CTNNA3: variants seen among roughly 807,000 people sequenced by gnomAD.
CTNNA3 encodes the protein catenin alpha 3.
A neutral mutation model predicts 95.7 loss-of-function variants in CTNNA3; 76 were observed. The observed-to-expected ratio is 0.79, with a 90% confidence interval of 0.66 to 0.96. The LOEUF is 0.96. Ranked by LOEUF, CTNNA3 falls within the 40% of genes least tolerant of loss-of-function variation. The probability of loss-of-function intolerance (pLI) is 0.00; values close to 1 mark genes in which losing one functional copy is unlikely to be tolerated. For synonymous variants in CTNNA3, 431 were observed against 374.4 expected (o/e 1.15, Z -1.74); for missense variants, 1,191 against 1,089.8 (o/e 1.09, Z -1.31).
chr10:66,889,589 T>C (rs1331494022), intron 7 of CTNNA3, among the ~76,000 whole-genome samples: 1 of 152,112 alleles, frequency 6.6e-6, no homozygotes, highest in Non-Finnish European at 1.5e-5. Flanking sequence ...AAGTGGATTG[T>C]ATGTGTAGGG....
At chr10:66,659,075 A>C (rs1288659969) in intron 9 of CTNNA3, among the ~76,000 whole-genome samples, 1 of 152,108 alleles carries the variant, frequency 6.6e-6, no homozygotes, top group Non-Finnish European at 1.5e-5. Context: ...TGCTTATGAT[A>C]TACCTGAAAC....
rs369655258 is a variant in CTNNA3, at chr10:67,364,385, G to A, written c.580-144515C>T. On this transcript the variant is annotated intron_variant, in intron 5 of 17. Transcript: ENST00000433211. ...AATATCATACTGAATGGCAAAAACT[G>A]GAAGCATTCCCTTTGAAAATTGGCA... 2.2e-4 allele frequency among the ~76,000 whole-genome samples: 33 copies of A among 152,168 alleles called. No individual in the cohort carries two copies. The East Asian group carries it at 6.0e-3, about 28-fold the overall frequency.
At chr10:66,140,275 G>A (rs2083548448) in intron 13 of CTNNA3, among the ~76,000 whole-genome samples, 1 of 152,154 alleles carries the variant, frequency 6.6e-6, no homozygotes, top group Non-Finnish European at 1.5e-5. Context: ...CCTTCAAGGA[G>A]ATTAATTAAT....
intron 15 of CTNNA3, 64 bp downstream of exon 15, chr10:66,069,244 T>C (rs2080377429): frequency 6.6e-7 from 1 of 1,507,258 alleles, no homozygotes; most frequent in Admixed American, 1.7e-5. Context: ...ATCTTGAGGT[T>C]TCACTAATAT....
In CTNNA3 at chr10:67,305,078, C is replaced by A. The variant is rs528653623; in HGVS notation, c.580-85208G>T. Among the ~76,000 whole-genome samples, 3 of 152,206 alleles carry A rather than the reference C, an allele frequency of 2.0e-5. No homozygotes were observed. In the South Asian group the frequency reaches 6.2e-4, roughly 32 times the overall value. On this transcript the variant is annotated intron_variant, in intron 5 of 17. Transcript: ENST00000433211. ...GATCACGAAGTCAGGAGATCAAGACCATCCTTGCTAACACAGTGAAACCCC... is the reference window on the plus strand; with the variant it reads ...GATCACGAAGTCAGGAGATCAAGACAATCCTTGCTAACACAGTGAAACCCC...
chr10:65,943,969 G>A (rs1186041615), intron 17 of CTNNA3, among the ~76,000 whole-genome samples: 1 of 152,076 alleles, frequency 6.6e-6, no homozygotes, highest in East Asian at 1.9e-4. Flanking sequence ...TGGAAAACCA[G>A]GAACAAATTT....
intron 7 of CTNNA3, among the ~76,000 whole-genome samples, chr10:66,885,337 T>C (rs1046485701): frequency 7.9e-5 from 12 of 152,184 alleles, no homozygotes; most frequent in African/African-American, 2.7e-4. Context: ...TGGACTGTAT[T>C]AATGTGAGGC....
intron 7 of CTNNA3, among the ~76,000 whole-genome samples, chr10:66,822,224 T>C (rs1842327747): frequency 6.6e-6 from 1 of 151,796 alleles, no homozygotes; most frequent in East Asian, 1.9e-4. Flanking sequence ...CTAGCATAAA[T>C]GGTGATTCTA....
At chr10:67,574,944 G>C (rs567147050) in intron 3 of CTNNA3, among the ~76,000 whole-genome samples, 1 of 152,216 alleles carries the variant, frequency 6.6e-6, no homozygotes, top group East Asian at 1.9e-4. Flanking sequence ...TTGTTCGTTA[G>C]CTAATAGTAA....
At chr10:66,797,303 A>G (rs1841240105) in intron 7 of CTNNA3, among the ~76,000 whole-genome samples, 1 of 151,532 alleles carries the variant, frequency 6.6e-6, no homozygotes, top group African/African-American at 2.4e-5. Context: ...GTTGATGCCA[A>G]TGTGGTACTT....
At chr10:66,761,648 T>C (rs1056344365) in intron 9 of CTNNA3, among the ~76,000 whole-genome samples, 1 of 152,134 alleles carries the variant, frequency 6.6e-6, no homozygotes, top group Admixed American at 6.6e-5. Context: ...CATAATAGCC[T>C]TTTTAATAAT....
At chr10:66,826,721 G>C (rs1046103850) in intron 7 of CTNNA3, among the ~76,000 whole-genome samples, 3 of 152,130 alleles carry the variant, frequency 2.0e-5, no homozygotes, top group East Asian at 3.9e-4. Flanking sequence ...CTGAAAAACT[G>C]TCTCTCACTG....
intron 11 of CTNNA3, among the ~76,000 whole-genome samples, chr10:66,497,361 T>C (rs999797246): frequency 5.3e-5 from 8 of 151,748 alleles, no homozygotes; most frequent in Non-Finnish European, 1.0e-4. Context: ...TGCAATTAAA[T>C]TTGCATCAAC....
intron 13 of CTNNA3, among the ~76,000 whole-genome samples, chr10:66,274,805 T>C (rs1399215348): frequency 6.6e-6 from 1 of 152,274 alleles, no homozygotes; most frequent in South Asian, 2.1e-4. Flanking sequence ...CAGTGATAAA[T>C]CAATCTGTAA....
At chr10:67,202,273 T>G (rs1055882843) in intron 6 of CTNNA3, among the ~76,000 whole-genome samples, 3 of 151,184 alleles carry the variant, frequency 2.0e-5, no homozygotes, top group African/African-American at 7.2e-5. Flanking sequence ...GATCCATGGC[T>G]AGATTTGGAA....
At chr10:67,229,329 A>G (rs912612059) in intron 5 of CTNNA3, among the ~76,000 whole-genome samples, 2 of 152,170 alleles carry the variant, frequency 1.3e-5, no homozygotes, top group Non-Finnish European at 2.9e-5. Flanking sequence ...AATGGAATAA[A>G]AGCCATCTAT....
chr10:66,699,741 C>T (rs1847881922), intron 9 of CTNNA3, among the ~76,000 whole-genome samples: 1 of 151,834 alleles, frequency 6.6e-6, no homozygotes, highest in South Asian at 2.1e-4. Flanking sequence ...AGCTCACAAC[C>T]TTTGCCTCCT....
rs923749956 is a variant in CTNNA3 at position 65,913,877 on chromosome 10, T to C, written c.*6453A>G. ...AATTTACACAGATGGGGAACTGATG[T>C]GACATACCTAAGGTTGGCCTGAGTC... On this transcript the variant is annotated 3_prime_UTR_variant, in exon 18 of 18. Coordinates refer to ENST00000433211, the MANE Select transcript of CTNNA3 (RefSeq NM_013266.4). 2 of 152,074 alleles carry C rather than the reference T, an allele frequency of 1.3e-5. No homozygotes were observed. Among genetic ancestry groups the C allele is most frequent in the Non-Finnish European group, 2.9e-5 (2 of 68,020 alleles). 9.4% of individuals were successfully genotyped at this position (152,074 alleles called of 1,614,324 possible).
intron 7 of CTNNA3, among the ~76,000 whole-genome samples, chr10:66,784,892 A>G (rs539137646): frequency 7.2e-5 from 11 of 152,326 alleles, no homozygotes; most frequent in African/African-American, 2.4e-4. Flanking sequence ...TTAAAAGCAA[A>G]GTCCCTGGCA....
Sources: gnomAD v4.1 joint callset for allele counts (sites outside exome capture counted in the v4.1 genomes callset) on GRCh38, gnomAD v4.1.1 for gene constraint, MANE v1.5 for transcripts, NCBI Gene and HGNC (gene_info 2026-07-23, HGNC 2026-07-21) for gene names.